Variants in ISM1 observed in about 807,000 individuals in gnomAD.
ISM1 encodes the protein isthmin 1.
In ISM1, 25 loss-of-function variants were observed where a neutral mutation model predicts 46.3. That is an observed-to-expected ratio of 0.54 (90% CI 0.39 to 0.75). The LOEUF is 0.75. ISM1 is among the 30% of genes least tolerant of loss of function. ISM1 has a pLI of 0.00. For synonymous variants in ISM1, 255 were observed against 256.7 expected (o/e 0.99, Z 0.06); for missense variants, 536 against 625.4 (o/e 0.86, Z 1.52).
chr20:13,261,883 C>A (rs1391718581), intron 1 of ISM1, among the ~76,000 whole-genome samples: 1 of 152,222 alleles, frequency 6.6e-6, no homozygotes, highest in African/African-American at 2.4e-5. Context: ...TTTCCAGGTT[C>A]TCCCTCTCAC....
rs75146235 is a variant in ISM1 at position 13,270,741 on chromosome 20, C to G, written c.376C>G (p.Gln126Glu). ...TATCAATGGGCAGAATCCAAATATC[C>G]AGGTAATTCTTGGCACCTGGAAGAT... ...ADINGQNPNI[Q>E]VTIEVVDGPD... Residue 126 changes from glutamine to glutamate, a missense_variant and splice_region_variant, in exon 2 of 6, where the codon CAG (glutamine) becomes GAG (glutamate). By Grantham distance (29) the Gln-to-Glu change is conservative. Transcript: ENST00000262487. The G allele has an allele frequency of 4.9e-4, 785 of 1,613,250 alleles. 11 individuals carry two copies. The East Asian group carries it at 0.016, about 33-fold the overall frequency.
At position 13,221,701 on chromosome 20, in the gene ISM1, T is replaced by C. The variant is rs1293511265; in HGVS notation, c.-76T>C. On this transcript the variant is annotated 5_prime_UTR_variant, in exon 1 of 6. Transcript: ENST00000262487. ...CCGCGCTGCCGGGCTCCCGGGCTCC[T>C]ACTCCTCCTCCCCCGGCGTCACCGC... 9.6e-6 allele frequency: 12 copies of C among 1,253,524 alleles called. No individual in the cohort carries two copies. Among genetic ancestry groups the C allele is most frequent in the Middle Eastern group, 3.0e-4 (1 of 3,312 alleles). 77.7% of individuals were successfully genotyped at this position (1,253,524 alleles called of 1,614,324 possible). A position where few individuals can be genotyped will look rare whatever the true frequency, so the allele number is the denominator to read the frequency against.
intron 4 of ISM1, among the ~76,000 whole-genome samples, chr20:13,291,006 C>T (rs1018553059): frequency 1.3e-5 from 2 of 152,170 alleles, no homozygotes; most frequent in Non-Finnish European, 2.9e-5. Flanking sequence ...GAATCAGCCA[C>T]ACAGGGACAC....
chr20:13,270,450 C>T, intron 1 of ISM1, 54 bp from the exon 2 acceptor site: 1 of 1,552,970 alleles, frequency 6.4e-7, no homozygotes, highest in East Asian at 2.4e-5. Flanking sequence ...TTAAGGGTGA[C>T]ATTTTTTAAT....
Position 13,221,548 on chromosome 20 carries a change from G to C in ISM1, c.-229G>C, listed in dbSNP as rs1216158284. On this transcript the variant is annotated 5_prime_UTR_variant, in exon 1 of 6. Coordinates refer to ENST00000262487, the MANE Select transcript of ISM1 (RefSeq NM_080826.2). ...CCCCCGGCCTCGCGGTGGCTCCGCC[G>C]TGGTGCGGCGGCGGCGGCGGCGGCG... 2.1e-5 allele frequency among the ~76,000 whole-genome samples: 3 copies of C among 144,072 alleles called. No individual in the cohort carries two copies. The highest frequency in any genetic ancestry group is 4.6e-5 in the Non-Finnish European group (3 of 64,958). The allele number at this position is 144,072 out of a possible 152,430, so 94.5% of individuals were successfully genotyped here.
intron 1 of ISM1, among the ~76,000 whole-genome samples, chr20:13,256,420 A>G (rs2039930449): frequency 6.9e-6 from 1 of 144,380 alleles, no homozygotes; most frequent in African/African-American, 2.6e-5. Context: ...AAAAAAAAAG[A>G]TCCTCTAGAT....
chr20:13,258,645 G>A (rs991804140), intron 1 of ISM1, among the ~76,000 whole-genome samples: 4 of 151,958 alleles, frequency 2.6e-5, no homozygotes, highest in Admixed American at 6.5e-5. Context: ...CTCTTTTCTC[G>A]AACCTCAGTT....
chr20:13,268,082 G>A (rs1239117068), intron 1 of ISM1, among the ~76,000 whole-genome samples: 1 of 142,970 alleles, frequency 7.0e-6, no homozygotes, highest in Non-Finnish European at 1.5e-5. Flanking sequence ...ATCTTATGTT[G>A]AGAAAAGATA....
intron 1 of ISM1, among the ~76,000 whole-genome samples, chr20:13,246,280 A>C (rs1169276762): frequency 6.6e-6 from 1 of 151,998 alleles, no homozygotes; most frequent in Non-Finnish European, 1.5e-5. Context: ...CTCAAAAAAA[A>C]AAAAAAAGCT....
intron 1 of ISM1, among the ~76,000 whole-genome samples, chr20:13,252,901 C>T (rs1263957660): frequency 6.6e-6 from 1 of 152,198 alleles, no homozygotes; most frequent in Non-Finnish European, 1.5e-5. Context: ...ATAATTTCTC[C>T]TCTCTCTTAG....
chr20:13,310,639 T>C, the ISM1 span, among the ~76,000 whole-genome samples: 97 of 152,310 alleles, frequency 6.4e-4, no homozygotes, highest in South Asian at 8.9e-3. Context: ...AGAAAAATTA[T>C]GGGCTGAGAG....
At chr20:13,297,746 C>T (rs1196392771) in intron 5 of ISM1, among the ~76,000 whole-genome samples, 1 of 152,236 alleles carries the variant, frequency 6.6e-6, no homozygotes, top group Non-Finnish European at 1.5e-5. Flanking sequence ...CAGGAATCCA[C>T]ATTTATAATT....
chr20:13,283,049 AT>A (rs1568685512), intron 3 of ISM1, among the ~76,000 whole-genome samples: 1 of 151,924 alleles, frequency 6.6e-6, no homozygotes, highest in African/African-American at 2.4e-5. Flanking sequence ...TATTTATTTA[AT>A]TTTTTTAAGA....
In ISM1 at chr20:13,299,252, G is replaced by A. The variant is rs2040436686; in HGVS notation, c.1188G>A (p.Arg396=). Residue 396 remains arginine (R), a synonymous_variant, in exon 6 of 6, where the codon AGG becomes AGA. Transcript: ENST00000262487. This position sits in a 1 kb window ranked among gnomAD's most constrained non-coding sequence, Gnocchi z 5.8. ...GCGACAACATGCAGCTCATCACCAG[G>A]GGCAAGGGGGCGGGCACGCCCAACC... ...CYGDNMQLIT[R]GKGAGTPNLI... The A allele has an allele frequency of 6.2e-7, 1 of 1,605,380 alleles. No individual in the cohort carries two copies. Among genetic ancestry groups the A allele is most frequent in the South Asian group, 1.1e-5 (1 of 90,042 alleles).
In ISM1 at chr20:13,299,111, G is replaced by A; in HGVS notation, c.1047G>A (p.Lys349=). 1 of 1,613,640 alleles carries A rather than the reference G, an allele frequency of 6.2e-7. No individual in the cohort carries two copies. Among genetic ancestry groups the A allele is most frequent in the Non-Finnish European group, 8.5e-7 (1 of 1,179,770 alleles). ...TCAAGCGCAAGGACTTCCGCTGGAA[G>A]GACGCCAGCGGGCCCAAGGAGAAGC... ...DRIKRKDFRW[K]DASGPKEKLE... The change falls in exon 6 of 6, where the codon AAG becomes AAA. Residue 349 remains lysine (K), a synonymous_variant. Transcript: ENST00000262487. The surrounding 1 kb of genome is among the most constrained non-coding windows in gnomAD (Gnocchi z 5.8).
At chr20:13,225,055 G>A (rs7363367) in intron 1 of ISM1, among the ~76,000 whole-genome samples, 69,342 of 148,516 alleles carry the variant, frequency 0.47, 16,194 homozygotes, top group South Asian at 0.56. Context: ...GGGTTTCACC[G>A]TGTTAGCCAG....
intron 5 of ISM1, 107 bp from the exon 6 acceptor site, chr20:13,298,835 T>G (rs1442516850): frequency 9.2e-7 from 1 of 1,088,392 alleles, no homozygotes; most frequent in Non-Finnish European, 1.3e-6. Context: ...GACTTTAGTG[T>G]CCTCCTGCGG....
chr20:13,248,900 T>C (rs1328774692), intron 1 of ISM1, among the ~76,000 whole-genome samples: 1 of 152,300 alleles, frequency 6.6e-6, no homozygotes, highest in Admixed American at 6.5e-5. Flanking sequence ...GGTGAAAGTA[T>C]ATGATGTAAG....
chr20:13,298,220 C>T (rs2040425215), intron 5 of ISM1, among the ~76,000 whole-genome samples: 2 of 152,216 alleles, frequency 1.3e-5, no homozygotes, highest in South Asian at 2.1e-4. Flanking sequence ...ATTCTCCTGC[C>T]TCAGCCTCCT....
Sources: gnomAD v4.1 joint callset for allele counts (sites outside exome capture counted in the v4.1 genomes callset) on GRCh38, gnomAD v4.1.1 for gene constraint, Gnocchi (gnomAD v3.1) non-coding constraint, MANE v1.5 for transcripts, NCBI Gene and HGNC (gene_info 2026-07-23, HGNC 2026-07-21) for gene names.